Variants in PCDHGB3 observed in about 807,000 individuals in gnomAD.
PCDHGB3 encodes the protein protocadherin gamma-B3.
Under a neutral mutation model 59.2 loss-of-function variants are expected in PCDHGB3, and 40 were observed. The ratio of observed to expected loss-of-function variants is 0.68; its 90% CI spans 0.52 to 0.88. The LOEUF (loss-of-function observed/expected upper bound fraction) is 0.88. Ranked by LOEUF, PCDHGB3 falls within the 40% of genes least tolerant of loss-of-function variation. PCDHGB3 has a pLI of 0.00. For missense variants in PCDHGB3, 1,309 were observed against 1,187.9 expected, an observed-to-expected ratio of 1.10 and a Z score of -1.50; for synonymous variants, 581 against 503.6, an observed-to-expected ratio of 1.15 and a Z score of -2.06.
In PCDHGB3 at chr5:141,409,757, G is replaced by T. The variant is rs376391018; in HGVS notation, c.2415+36948G>T. On this transcript the variant is annotated intron_variant, in intron 1 of 3. Coordinates refer to ENST00000576222, the MANE Select transcript of PCDHGB3 (RefSeq NM_018924.5). ...GAGCGGGGTGGTGTTCGCGCAGCGC[G>T]CCTTTGATCACGAGCAGCTGCGCGC... is the stretch of plus-strand genomic sequence containing the variant. 5 of 1,612,868 alleles carry T rather than the reference G, an allele frequency of 3.1e-6. No homozygotes were observed. In the East Asian group the frequency reaches 6.7e-5, roughly 22 times the overall value.
chr5:141,418,517 C>G, intron 1 of PCDHGB3: 1 of 1,613,918 alleles, frequency 6.2e-7, no homozygotes. Flanking sequence ...TGGTGGGGAC[C>G]CTCCCCGAAG....
chr5:141,382,422 C>A (rs1778191772), intron 1 of PCDHGB3, among the ~76,000 whole-genome samples: 1 of 152,092 alleles, frequency 6.6e-6, no homozygotes, highest in Admixed American at 6.5e-5. Context: ...AGTCAGTGCC[C>A]AAAAGAGTCA....
At chr5:141,394,378 A>G (rs373024642) in intron 1 of PCDHGB3, 91 of 1,614,090 alleles carry the variant, frequency 5.6e-5, no homozygotes, top group Non-Finnish European at 6.9e-5. Flanking sequence ...TCTTTCGACT[A>G]TGAGCAGATC....
At chr5:141,467,704 C>T (rs2099149502) in intron 1 of PCDHGB3, among the ~76,000 whole-genome samples, 2 of 152,174 alleles carry the variant, frequency 1.3e-5, no homozygotes. Flanking sequence ...CTCTGTTGCC[C>T]AGGCTGGAGT....
At chr5:141,393,197 T>C (rs1470064881) in intron 1 of PCDHGB3, 1 of 1,613,448 alleles carries the variant, frequency 6.2e-7, no homozygotes, top group South Asian at 1.1e-5. Context: ...ATATTAACGA[T>C]AATAACCCAA....
chr5:141,400,371 C>A, intron 1 of PCDHGB3: 1 of 1,614,056 alleles, frequency 6.2e-7, no homozygotes, highest in South Asian at 1.1e-5. Flanking sequence ...CTTATTCCTA[C>A]AACCTATGTG....
intron 1 of PCDHGB3, chr5:141,384,276 C>A: frequency 6.2e-7 from 1 of 1,613,888 alleles, no homozygotes; most frequent in Non-Finnish European, 8.5e-7. Context: ...CCTACTCAGT[C>A]TACATCGCTG....
intron 1 of PCDHGB3, chr5:141,393,282 G>A (rs2150516370): frequency 1.2e-6 from 2 of 1,613,980 alleles, no homozygotes; most frequent in Non-Finnish European, 1.7e-6. Context: ...ACTCCCAGAA[G>A]CTGTTGACCC....
chr5:141,419,258 C>A, intron 1 of PCDHGB3: 3 of 1,614,028 alleles, frequency 1.9e-6, no homozygotes, highest in Non-Finnish European at 2.5e-6. Flanking sequence ...AAACAACCAG[C>A]CGGGTGCCTC....
At chr5:141,480,828 TAAGATC>T (rs1054950452) in intron 1 of PCDHGB3, among the ~76,000 whole-genome samples, 22 of 152,260 alleles carry the variant, frequency 1.4e-4, no homozygotes, top group African/African-American at 5.1e-4. Context: ...GGGTGGATCA[TAAGATC>T]AGGAGTTTGA....
intron 1 of PCDHGB3, chr5:141,385,199 A>C (rs1185520352): frequency 6.2e-7 from 1 of 1,614,064 alleles, no homozygotes; most frequent in African/African-American, 1.3e-5. Flanking sequence ...CGGAAGAGTC[A>C]CCTGATCTTC....
chr5:141,374,636 G>A, intron 1 of PCDHGB3: 1 of 1,612,960 alleles, frequency 6.2e-7, no homozygotes, highest in Non-Finnish European at 8.5e-7. Flanking sequence ...CGTGCAAAGC[G>A]AAGCCCATGG....
At chr5:141,405,029 C>T in intron 1 of PCDHGB3, 1 of 1,613,976 alleles carries the variant, frequency 6.2e-7, no homozygotes, top group Non-Finnish European at 8.5e-7. Flanking sequence ...TACCCTCTAC[C>T]TCGTTGTGGC....
intron 1 of PCDHGB3, chr5:141,384,799 G>A: frequency 1.2e-6 from 2 of 1,613,476 alleles, no homozygotes; most frequent in South Asian, 1.1e-5. Context: ...GGCCCTGCTG[G>A]ACAGAGATGC....
At chr5:141,421,222 C>T in intron 1 of PCDHGB3, 1 of 1,576,946 alleles carries the variant, frequency 6.3e-7, no homozygotes, top group Non-Finnish European at 8.6e-7. Flanking sequence ...CGGCTTAGAG[C>T]CTGCCATGGC....
At chr5:141,388,492 A>G (rs2091380241) in intron 1 of PCDHGB3, 7 of 1,613,742 alleles carry the variant, frequency 4.3e-6, no homozygotes, top group South Asian at 1.1e-5. Flanking sequence ...TTGGACAGAG[A>G]AAAGCAGAAA....
intron 1 of PCDHGB3, chr5:141,426,302 A>G (rs1590676929): frequency 1.2e-5 from 2 of 172,322 alleles, no homozygotes; most frequent in East Asian, 1.4e-4. Context: ...AACAGGGTGA[A>G]GCAGAGAAGC....
intron 1 of PCDHGB3, chr5:141,408,080 C>G: frequency 7.1e-7 from 1 of 1,412,844 alleles, no homozygotes; most frequent in Non-Finnish European, 9.3e-7. Flanking sequence ...TTTCCCAGCA[C>G]AGCGGATTGC....
intron 1 of PCDHGB3, among the ~76,000 whole-genome samples, chr5:141,446,610 G>A (rs1167777615): frequency 6.6e-6 from 1 of 152,098 alleles, no homozygotes; most frequent in Non-Finnish European, 1.5e-5. Flanking sequence ...CTGAGTAGCT[G>A]GGACTACAGG....
Sources: gnomAD v4.1 joint callset for allele counts (sites outside exome capture counted in the v4.1 genomes callset) on GRCh38, gnomAD v4.1.1 for gene constraint, MANE v1.5 for transcripts, NCBI Gene and HGNC (gene_info 2026-07-23, HGNC 2026-07-21) for gene names.